AMOTL1: variants seen among roughly 807,000 people sequenced by gnomAD.
The protein encoded by AMOTL1 is angiomotin like 1.
AMOTL1 carries 45 observed loss-of-function variants against 102.9 expected under a neutral mutation model. That is an observed-to-expected ratio of 0.44 (90% CI 0.34 to 0.56). The LOEUF (loss-of-function observed/expected upper bound fraction) is 0.56, where lower values mean the gene tolerates loss of function less well. AMOTL1 is among the 20% of genes least tolerant of loss of function. The pLI, the probability that AMOTL1 is intolerant of heterozygous loss-of-function variation, is 0.01. For missense variants in AMOTL1, 1,114 were observed against 1,225.6 expected, an observed-to-expected ratio of 0.91 and a Z score of 1.36; for synonymous variants, 481 against 484.7, an observed-to-expected ratio of 0.99 and a Z score of 0.10.
rs780121938 is a variant in AMOTL1 at position 94,864,860 on chromosome 11, C to T, written c.2261C>T (p.Thr754Ile). 51 of 1,612,288 alleles carry T rather than the reference C, an allele frequency of 3.2e-5. No homozygotes were observed. Among genetic ancestry groups the T allele is most frequent in the Admixed American group, 5.0e-5 (3 of 59,928 alleles). ...ANRRCQDMEY[T>I]IKNLHAKIIE... ...AGAAGGTGTCAGGACATGGAATACA[C>T]GTAAGGGACGACTATGTGTGACGTG... The change falls in exon 10 of 13, where the codon ACT becomes ATT. Residue 754 changes from threonine to isoleucine, a missense_variant and splice_region_variant. Physicochemically the swap from Thr to Ile is moderately conservative, Grantham distance 89. Coordinates refer to ENST00000433060, the MANE Select transcript of AMOTL1 (RefSeq NM_130847.3).
chr11:94,816,269 G>A (rs1033639473), intron 3 of AMOTL1, among the ~76,000 whole-genome samples: 1 of 152,040 alleles, frequency 6.6e-6, no homozygotes, highest in African/African-American at 2.4e-5. Flanking sequence ...GTTTGTTGTG[G>A]CCTTACACTA....
At chr11:94,820,627 C>T (rs554143366) in intron 3 of AMOTL1, among the ~76,000 whole-genome samples, 45 of 152,260 alleles carry the variant, frequency 3.0e-4, no homozygotes, top group African/African-American at 1.0e-3. Context: ...ATTTATTGTG[C>T]GCTTTGTTTC....
intron 1 of AMOTL1, among the ~76,000 whole-genome samples, chr11:94,726,841 T>C (rs975444113): frequency 1.3e-5 from 2 of 152,192 alleles, no homozygotes; most frequent in Non-Finnish European, 2.9e-5. Flanking sequence ...ACAGGTGTGA[T>C]GGATCAAAAC....
intron 6 of AMOTL1, among the ~76,000 whole-genome samples, chr11:94,848,967 G>A (rs1184994769): frequency 6.6e-6 from 1 of 152,326 alleles, no homozygotes; most frequent in South Asian, 2.1e-4. Context: ...GTCGCTTCCA[G>A]ACTTGGGTTC....
chr11:94,755,420 G>T (rs2135494525), intron 3 of AMOTL1, among the ~76,000 whole-genome samples: 2 of 152,276 alleles, frequency 1.3e-5, no homozygotes, highest in South Asian at 4.1e-4. Context: ...CTCAGCCTCT[G>T]CTAGAACATC....
Position 94,874,483 on chromosome 11 carries a change from T to A in AMOTL1, c.*3688T>A, listed in dbSNP as rs1953061489. 6.6e-6 allele frequency: 1 copy of A among 152,222 alleles called. No individual in the cohort carries two copies. Among genetic ancestry groups the A allele is most frequent in the Non-Finnish European group, 1.5e-5 (1 of 68,038 alleles). The allele number at this position is 152,222 out of a possible 1,614,324, so 9.4% of individuals were successfully genotyped here. ...CTGGGGTTGCTCTTTGGAACTCATG[T>A]ATGAGTTTGACTCCACAAGGCTTGG... is the stretch of plus-strand genomic sequence containing the variant. On this transcript the variant is annotated 3_prime_UTR_variant, in exon 13 of 13. Coordinates refer to ENST00000433060, the MANE Select transcript of AMOTL1 (RefSeq NM_130847.3).
chr11:94,760,953 T>C (rs1950784798), intron 3 of AMOTL1, among the ~76,000 whole-genome samples: 1 of 151,972 alleles, frequency 6.6e-6, no homozygotes, highest in Non-Finnish European at 1.5e-5. Context: ...TTTTTATTTT[T>C]TGTAGGGACA....
chr11:94,841,940 A>G (rs182703284), intron 6 of AMOTL1, among the ~76,000 whole-genome samples: 38 of 152,338 alleles, frequency 2.5e-4, no homozygotes, highest in Middle Eastern at 3.4e-3. Flanking sequence ...ATCCTACCTG[A>G]GATATTTTAC....
rs1377099953 is a variant in AMOTL1 at position 94,832,808 on chromosome 11, G to A, written c.1648+1267G>A. Among the ~76,000 whole-genome samples, 4 of 152,188 alleles carry A rather than the reference G, an allele frequency of 2.6e-5. No homozygotes were observed. In the East Asian group the frequency reaches 7.7e-4, roughly 29 times the overall value. The stretch of plus-strand genomic sequence containing the variant: ...ATGCCTAGGTATAGTTAGTGTCTTT[G>A]GCAGGTATGTTAGCAATGCCAGTGT... On this transcript the variant is annotated intron_variant, in intron 6 of 12. Transcript: ENST00000433060.
chr11:94,761,612 A>G (rs1950794441), intron 3 of AMOTL1, among the ~76,000 whole-genome samples: 2 of 152,148 alleles, frequency 1.3e-5, no homozygotes, highest in Non-Finnish European at 2.9e-5. Flanking sequence ...TACTGGCTCT[A>G]TGGCTGAGAT....
intron 1 of AMOTL1, among the ~76,000 whole-genome samples, chr11:94,726,643 T>C (rs1020348008): frequency 5.9e-5 from 9 of 152,214 alleles, no homozygotes; most frequent in South Asian, 2.1e-4. Flanking sequence ...CATTACATTT[T>C]AGTTTCTTCT....
chr11:94,758,578 A>T (rs1158849138), intron 3 of AMOTL1, among the ~76,000 whole-genome samples: 1 of 152,218 alleles, frequency 6.6e-6, no homozygotes, highest in Non-Finnish European at 1.5e-5. Flanking sequence ...CTACATCTCC[A>T]TGTGGCCAGC....
At chr11:94,864,396 ATTTTG>A (rs1418388748) in intron 9 of AMOTL1, among the ~76,000 whole-genome samples, 1 of 152,098 alleles carries the variant, frequency 6.6e-6, no homozygotes, top group Non-Finnish European at 1.5e-5. Context: ...TTTGAATTTT[ATTTTG>A]TTTTCCTTAG....
At chr11:94,776,749 C>G (rs369119263) in intron 1 of AMOTL1, among the ~76,000 whole-genome samples, 1 of 152,206 alleles carries the variant, frequency 6.6e-6, no homozygotes, top group Non-Finnish European at 1.5e-5. Context: ...CTTTCTGACA[C>G]GGGTGGTGTT....
chr11:94,751,394 G>A (rs948909829), intron 3 of AMOTL1, among the ~76,000 whole-genome samples: 4 of 151,918 alleles, frequency 2.6e-5, no homozygotes, highest in East Asian at 1.9e-4. Flanking sequence ...CCTGGGACAC[G>A]AAATCTCCCC....
At position 94,793,207 on chromosome 11, in the gene AMOTL1, G is replaced by A. The variant is rs192828125; in HGVS notation, c.50-1804G>A. 8.5e-5 allele frequency among the ~76,000 whole-genome samples: 13 copies of A among 152,290 alleles called. No homozygotes were observed. In the East Asian group the frequency reaches 2.1e-3, roughly 25 times the overall value. ...TAATATGCTGGCACATGGCATTCCT[G>A]ACTCAGTGTCTATTTTAAGAAAACA... On this transcript the variant is annotated intron_variant, in intron 1 of 12. Coordinates refer to ENST00000433060, the MANE Select transcript of AMOTL1 (RefSeq NM_130847.3).
intron 6 of AMOTL1, among the ~76,000 whole-genome samples, chr11:94,846,013 TATG>T (rs893197887): frequency 2.0e-5 from 3 of 152,326 alleles, no homozygotes; most frequent in African/African-American, 7.2e-5. Flanking sequence ...AGGGCCTTCT[TATG>T]AGGTGGTTTC....
intron 2 of AMOTL1, chr11:94,797,112 G>A (rs1345952255): frequency 1.3e-6 from 1 of 796,250 alleles, no homozygotes; most frequent in Non-Finnish European, 1.5e-6. Flanking sequence ...AAGAAAGATT[G>A]TTTTGGGAAA....
intron 2 of AMOTL1, among the ~76,000 whole-genome samples, chr11:94,797,684 G>A (rs1055639891): frequency 6.6e-6 from 1 of 152,206 alleles, no homozygotes; most frequent in Admixed American, 6.5e-5. Flanking sequence ...GAGATATGGT[G>A]AGATGCATTT....
Sources: gnomAD v4.1 joint callset for allele counts (sites outside exome capture counted in the v4.1 genomes callset) on GRCh38, gnomAD v4.1.1 for gene constraint, MANE v1.5 for transcripts, NCBI Gene and HGNC (gene_info 2026-07-23, HGNC 2026-07-21) for gene names.